Variants in TSNARE1 observed in about 807,000 individuals in gnomAD.
TSNARE1 encodes t-SNARE domain-containing protein 1.
In TSNARE1, 49 loss-of-function variants were observed where a neutral mutation model predicts 62.0. The observed-to-expected ratio is 0.79, with a 90% CI of 0.63 to 1.00. The LOEUF (loss-of-function observed/expected upper bound fraction) is 1.00. Among genes scored for constraint, TSNARE1 ranks in the 50% least tolerant of loss-of-function variants. The probability of loss-of-function intolerance (pLI) is 0.00; values close to 1 mark genes in which losing one functional copy is unlikely to be tolerated. For missense variants in TSNARE1, 755 were observed against 700.1 expected (o/e 1.08, Z -0.88); for synonymous variants, 328 against 294.4 (o/e 1.11, Z -1.17).
chr8:142,341,211 G>C (rs1008532312), intron 4 of TSNARE1, among the ~76,000 whole-genome samples: 2 of 152,196 alleles, frequency 1.3e-5, no homozygotes, highest in African/African-American at 2.4e-5. Flanking sequence ...TGGGGACTGA[G>C]AGAGGACAAG....
chr8:142,362,047 G>A (rs991055881), intron 1 of TSNARE1, among the ~76,000 whole-genome samples: 8 of 152,264 alleles, frequency 5.3e-5, no homozygotes, highest in African/African-American at 1.9e-4. Context: ...AGGGCTTGCT[G>A]TCAGCAGGGC....
chr8:142,362,059 G>C (rs1835206551), intron 1 of TSNARE1, among the ~76,000 whole-genome samples: 1 of 152,262 alleles, frequency 6.6e-6, no homozygotes, highest in African/African-American at 2.4e-5. Flanking sequence ...CAGCAGGGCA[G>C]CTGCCCACCA....
chr8:142,371,890 T>C (rs1835941767), intron 1 of TSNARE1, among the ~76,000 whole-genome samples: 1 of 152,228 alleles, frequency 6.6e-6, no homozygotes, highest in Non-Finnish European at 1.5e-5. Flanking sequence ...CATTCATCCA[T>C]GAGTTGTCTA....
chr8:142,364,298 T>A (rs868383495), intron 1 of TSNARE1, among the ~76,000 whole-genome samples: 1 of 152,204 alleles, frequency 6.6e-6, no homozygotes, highest in Non-Finnish European at 1.5e-5. Flanking sequence ...CCGCGCTCAC[T>A]CACCAAGCAG....
At chr8:142,376,515 A>G (rs546260665) in intron 1 of TSNARE1, among the ~76,000 whole-genome samples, 1 of 152,294 alleles carries the variant, frequency 6.6e-6, no homozygotes, top group South Asian at 2.1e-4. Flanking sequence ...GGGCACAGCA[A>G]GACGTCAGCG....
At chr8:142,402,930 C>T (rs1342203870) in intron 1 of TSNARE1, 174 bp downstream of exon 1, 1 of 151,456 alleles carries the variant, frequency 6.6e-6, no homozygotes, top group South Asian at 2.0e-4. Context: ...GTCCCGCCCC[C>T]TCCCCTCCCC....
At chr8:142,285,242 A>AGGTGGATGGATGGATGGGTAGGTG (rs201142172) in intron 10 of TSNARE1, among the ~76,000 whole-genome samples, 5,549 of 126,044 alleles carry the variant, frequency 0.044, 537 homozygotes, top group African/African-American at 0.068. Context: ...ATGGATGGGT[A>AGGTGGATGGATGGATGGGTAGGTG]GATGGATGGA....
At chr8:142,371,609 G>C (rs374305433) in intron 1 of TSNARE1, among the ~76,000 whole-genome samples, 16 of 152,262 alleles carry the variant, frequency 1.1e-4, no homozygotes, top group African/African-American at 3.9e-4. Context: ...AGGAGGTATC[G>C]GGCTGTAAAG....
intron 9 of TSNARE1, among the ~76,000 whole-genome samples, chr8:142,306,341 C>T (rs553615517): frequency 2.0e-4 from 31 of 152,342 alleles, no homozygotes; most frequent in African/African-American, 6.7e-4. Context: ...TTCTGCAGCC[C>T]GGCTGGGGAC....
intron 1 of TSNARE1, among the ~76,000 whole-genome samples, chr8:142,373,650 A>C (rs1836068547): frequency 1.6e-5 from 2 of 125,002 alleles, no homozygotes; most frequent in African/African-American, 6.3e-5. Context: ...TACCTCTGAC[A>C]CAGGGACCTG....
At chr8:142,285,628 G>T (rs775397479) in intron 10 of TSNARE1, among the ~76,000 whole-genome samples, 1 of 152,080 alleles carries the variant, frequency 6.6e-6, no homozygotes, top group Non-Finnish European at 1.5e-5. Flanking sequence ...GGGTGGGTGG[G>T]TTGGTCAATG....
intron 9 of TSNARE1, among the ~76,000 whole-genome samples, chr8:142,313,456 C>T (rs1291254962): frequency 7.0e-6 from 1 of 143,654 alleles, no homozygotes; most frequent in African/African-American, 2.6e-5. Context: ...TGTTTATCTG[C>T]ATGTGTCTGC....
At chr8:142,333,377 G>A (rs10088016) in intron 4 of TSNARE1, among the ~76,000 whole-genome samples, 1 of 152,038 alleles carries the variant, frequency 6.6e-6, no homozygotes, top group Non-Finnish European at 1.5e-5. Flanking sequence ...CGTGGGTGTC[G>A]GTGCAGTTCT....
intron 10 of TSNARE1, among the ~76,000 whole-genome samples, chr8:142,286,048 G>A (rs1465476413): frequency 1.3e-5 from 2 of 152,094 alleles, no homozygotes; most frequent in Admixed American, 1.3e-4. Context: ...CCTGCCCACC[G>A]ACCAGATGCC....
chr8:142,396,834 C>T (rs1405910192), intron 1 of TSNARE1, among the ~76,000 whole-genome samples: 1 of 152,178 alleles, frequency 6.6e-6, no homozygotes, highest in Non-Finnish European at 1.5e-5. Context: ...GCCCTGTGGT[C>T]AAAAGCAGGA....
intron 1 of TSNARE1, among the ~76,000 whole-genome samples, chr8:142,388,703 A>G (rs1415486478): frequency 6.6e-6 from 1 of 151,952 alleles, no homozygotes; most frequent in Non-Finnish European, 1.5e-5. Flanking sequence ...GATTACAGGC[A>G]CACGCCACCA....
rs765325735 is a variant in TSNARE1 at position 142,229,477 on chromosome 8, G to A, written c.*7C>T. 1.2e-6 allele frequency: 2 copies of A among 1,613,650 alleles called. No individual in the cohort carries two copies. The highest frequency in any genetic ancestry group is 2.7e-5 in the African/African-American group (2 of 74,892). On this transcript the variant is annotated 3_prime_UTR_variant, in exon 13 of 14. Coordinates refer to ENST00000524325, the MANE Select transcript of TSNARE1 (RefSeq NM_145003.5). ...ACGGGTAGGTGGGGTACTCACCACG[G>A]GTAGCATCACTTTCGGACAGAGGTG...
At chr8:142,332,542 G>A (rs1831206864) in intron 4 of TSNARE1, among the ~76,000 whole-genome samples, 1 of 152,170 alleles carries the variant, frequency 6.6e-6, no homozygotes, top group South Asian at 2.1e-4. Context: ...GGATAAGATG[G>A]TGAATTCTGA....
chr8:142,221,170 T>A (rs537616770), intron 13 of TSNARE1, among the ~76,000 whole-genome samples: 1 of 152,214 alleles, frequency 6.6e-6, no homozygotes, highest in African/African-American at 2.4e-5. Flanking sequence ...TCACAGCACC[T>A]TCTTTGTGGC....
Sources: allele counts gnomAD v4.1 joint callset (sites outside exome capture counted in the v4.1 genomes callset), GRCh38; gene constraint gnomAD v4.1.1; transcripts MANE v1.5; gene names NCBI Gene and HGNC (gene_info 2026-07-23, HGNC 2026-07-21).